ANXA7: variants seen among roughly 807,000 people sequenced by gnomAD.
ANXA7 encodes annexin A7.
Under a neutral mutation model 64.9 loss-of-function variants are expected in ANXA7, and 55 were observed. The ratio of observed to expected loss-of-function variants is 0.85; its 90% CI spans 0.68 to 1.06. ANXA7 has a LOEUF of 1.06. Among genes scored for constraint, ANXA7 ranks in the 50% least tolerant of loss-of-function variants. ANXA7 has a pLI of 0.00. For synonymous variants in ANXA7, 200 were observed against 192.4 expected (o/e 1.04, Z -0.33); for missense variants, 548 against 582.1 (o/e 0.94, Z 0.60).
intron 9 of ANXA7, among the ~76,000 whole-genome samples, chr10:73,380,774 T>C (rs1306439573): frequency 6.6e-6 from 1 of 152,148 alleles, no homozygotes; most frequent in Non-Finnish European, 1.5e-5. Context: ...AAAATATCTC[T>C]ACTAGGAGAT....
intron 1 of ANXA7, among the ~76,000 whole-genome samples, chr10:73,409,997 A>G (rs1057094618): frequency 1.3e-5 from 2 of 152,200 alleles, no homozygotes; most frequent in African/African-American, 4.8e-5. Context: ...CTATCATCCA[A>G]TGCAAAAATC....
chr10:73,396,484 A>T, intron 5 of ANXA7, 35 bp downstream of exon 5: 2 of 1,508,016 alleles, frequency 1.3e-6, no homozygotes, highest in Non-Finnish European at 1.8e-6. Context: ...TTATCTAGCT[A>T]CCTAGAGTGA....
chr10:73,381,611 T>C (rs1718435211), intron 9 of ANXA7: 1 of 152,284 alleles, frequency 6.6e-6, no homozygotes, highest in African/African-American at 2.4e-5. Flanking sequence ...TTATTGCCTT[T>C]GGATTCACAC....
In ANXA7 at chr10:73,391,170, T is replaced by TA. The variant is rs547724690; in HGVS notation, c.436-2757dup. Among the ~76,000 whole-genome samples, 1,137 of 132,910 alleles carry TA rather than the reference T, an allele frequency of 8.6e-3. 7 individuals carry two copies. The highest frequency in any genetic ancestry group is 0.031 in the South Asian group (128 of 4,080). 87.2% of individuals were successfully genotyped at this position (132,910 alleles called of 152,430 possible). A position where few individuals can be genotyped will look rare whatever the true frequency, so the allele number is the denominator to read the frequency against. ...GGCAACAGAGTGAGACTCTGTCTCT[T>TA]AAAAAAAAAAAAAAAAAGAGAGAAA... On this transcript the variant is annotated intron_variant, in intron 5 of 12. Coordinates refer to ENST00000372921, the MANE Select transcript of ANXA7 (RefSeq NM_001156.5).
intron 7 of ANXA7, among the ~76,000 whole-genome samples, 170 bp downstream of exon 7, chr10:73,387,519 C>CAAAACAAAACAAAACAAA (rs145074958): frequency 0.11 from 16,009 of 151,858 alleles, 1,224 homozygotes; most frequent in East Asian, 0.3. Flanking sequence ...CATCTCAAAA[C>CAAAACAAAACAAAACAAA]AAAACAAAAC....
rs765172371 is a variant in ANXA7, at chr10:73,379,909, C to T, written c.1135G>A (p.Gly379Arg). ...GTCTTCAAACCACTTTCTACATATC[C>T]GGAAAACTCACGGCTCACACTGCTT... is the stretch of plus-strand genomic sequence containing the variant. ...LLSSVSREFSGYVESGLKTIL... is the reference protein window; with the variant it reads ...LLSSVSREFSRYVESGLKTIL... Residue 379 changes from glycine to arginine, a missense_variant, in exon 11 of 13, where the codon GGA becomes AGA. Gly to Arg is a moderately radical substitution (Grantham distance 125). Coordinates refer to ENST00000372921, the MANE Select transcript of ANXA7 (RefSeq NM_001156.5). 1.5e-5 allele frequency: 25 copies of T among 1,614,034 alleles called. No homozygotes were observed. Among genetic ancestry groups the T allele is most frequent in the South Asian group, 2.2e-5 (2 of 91,082 alleles).
At chr10:73,395,786 C>T (rs942928424) in intron 5 of ANXA7, 4 of 423,410 alleles carry the variant, frequency 9.4e-6, no homozygotes, top group African/African-American at 5.3e-5. Context: ...AACTCCATCT[C>T]AAAAAAAAAA....
intron 7 of ANXA7, among the ~76,000 whole-genome samples, chr10:73,385,049 C>T (rs2055343816): frequency 6.6e-6 from 1 of 151,852 alleles, no homozygotes; most frequent in Non-Finnish European, 1.5e-5. Context: ...AAGGAAATTA[C>T]GATGTTCAGT....
Position 73,376,306 on chromosome 10 carries a change from T to C in ANXA7, c.1279-89A>G, listed in dbSNP as rs1035670745. ...TTTTTAAATAATAAGATCTTAATAA[T>C]AATCAAAACTTGGGGGGGAAAACAC... On this transcript the variant is annotated intron_variant, in intron 12 of 12. Coordinates refer to ENST00000372921, the MANE Select transcript of ANXA7 (RefSeq NM_001156.5). 5 of 1,267,546 alleles carry C rather than the reference T, an allele frequency of 3.9e-6. No individual in the cohort carries two copies. The African/African-American group carries it at 6.1e-5, about 16-fold the overall frequency. 78.5% of individuals were successfully genotyped at this position (1,267,546 alleles called of 1,614,324 possible). A position where few individuals can be genotyped will look rare whatever the true frequency, so the allele number is the denominator to read the frequency against.
At position 73,388,344 on chromosome 10, in the gene ANXA7, G is replaced by T. The variant is rs1293732715; in HGVS notation, c.506C>A (p.Ala169Glu). The change falls in exon 6 of 13, where the codon GCA becomes GAA. Residue 169 changes from alanine to glutamate, a missense_variant. Coordinates refer to ENST00000372921, the MANE Select transcript of ANXA7 (RefSeq NM_001156.5). ...CTTCATTGCCTTACGAAGAATTTCT[G>T]CATCTCTTATAGCATCGAAGTTGGC... ...PAANFDAIRDAEILRKAMKGF... is the reference protein window; with the variant it reads ...PAANFDAIRDEEILRKAMKGF... 5 of 1,613,926 alleles carry T rather than the reference G, an allele frequency of 3.1e-6. No homozygotes were observed. Among genetic ancestry groups the T allele is most frequent in the Non-Finnish European group, 4.2e-6 (5 of 1,179,836 alleles).
intron 1 of ANXA7, among the ~76,000 whole-genome samples, chr10:73,410,690 G>C (rs533949888): frequency 6.6e-5 from 10 of 151,574 alleles, no homozygotes; most frequent in East Asian, 1.9e-4. Flanking sequence ...GCTGAGTCAG[G>C]AGAATTGCTT....
At chr10:73,404,803 A>T (rs1352791545) in intron 1 of ANXA7, among the ~76,000 whole-genome samples, 2 of 152,126 alleles carry the variant, frequency 1.3e-5, no homozygotes, top group Non-Finnish European at 2.9e-5. Flanking sequence ...AACATTCAAA[A>T]GAATACCCTC....
In ANXA7 at chr10:73,401,997, T is replaced by C. The variant is rs376362886; in HGVS notation, c.-1-1140A>G. On this transcript the variant is annotated intron_variant, in intron 1 of 12. Transcript: ENST00000372921. Reference sequence around the variant, plus strand: ...ATACTTTTAAATGGAAAACTTCCAGTAGTTTTCTTACCACAAATAGAAGGT... The same window carrying C: ...ATACTTTTAAATGGAAAACTTCCAGCAGTTTTCTTACCACAAATAGAAGGT... Among the ~76,000 whole-genome samples the C allele has an allele frequency of 1.8e-4, 28 of 152,298 alleles. No homozygotes were observed. In the East Asian group the frequency reaches 3.5e-3, roughly 19 times the overall value.
Position 73,388,385 on chromosome 10 carries a change from T to G in ANXA7, c.465A>C (p.Gly155=). Residue 155 remains glycine (G), a synonymous_variant, in exon 6 of 13, where the codon GGA becomes GGC. Coordinates refer to ENST00000372921, the MANE Select transcript of ANXA7 (RefSeq NM_001156.5). ...CGAAGTTGGCAGCTGGTCGGATAGT[T>G]CCTTGAGTGACCTGAGTCACTGTGG... ...QPATVTQVTQ[G]TIRPAANFDA... is the part of the protein sequence containing the mutation. 6.2e-7 allele frequency: 1 copy of G among 1,613,966 alleles called. No homozygotes were observed. Among genetic ancestry groups the G allele is most frequent in the African/African-American group, 1.3e-5 (1 of 75,052 alleles).
Position 73,400,830 on chromosome 10 carries a change from T to C in ANXA7, c.27A>G (p.Thr9=). The part of the protein sequence containing the change: MSYPGYPP[T]GYPPFPGYPP... ...GATATCCAGGGAAAGGTGGGTAGCC[T>C]GTTGGGGGATAGCCTGGGTATGACA... is the stretch of plus-strand genomic sequence containing the variant. Residue 9 remains threonine, a synonymous_variant, in exon 2 of 13, where the codon ACA becomes ACG. Transcript: ENST00000372921. The C allele has an allele frequency of 6.2e-7, 1 of 1,605,076 alleles. No homozygotes were observed. Among genetic ancestry groups the C allele is most frequent in the Non-Finnish European group, 8.5e-7 (1 of 1,175,170 alleles).
chr10:73,393,103 T>C (rs1026330074), intron 5 of ANXA7, among the ~76,000 whole-genome samples: 11 of 152,232 alleles, frequency 7.2e-5, no homozygotes, highest in African/African-American at 2.4e-4. Flanking sequence ...CCACTCACAA[T>C]CGCTTCAAAG....
chr10:73,406,561 A>AATT (rs1239117972), intron 1 of ANXA7, among the ~76,000 whole-genome samples: 1 of 152,046 alleles, frequency 6.6e-6, no homozygotes, highest in East Asian at 1.9e-4. Flanking sequence ...TACTGGCTCC[A>AATT]ATTATTATTA....
chr10:73,400,125 C>T (rs932726656), intron 2 of ANXA7, among the ~76,000 whole-genome samples: 1 of 151,442 alleles, frequency 6.6e-6, no homozygotes, highest in Admixed American at 6.6e-5. Flanking sequence ...CCTGGGCGCA[C>T]AGCGAGACTC....
Position 73,375,547 on chromosome 10 carries a change from C to T in ANXA7, c.*548G>A, listed in dbSNP as rs117718753. 1.3e-5 allele frequency: 2 copies of T among 152,278 alleles called. No homozygotes were observed. The highest frequency in any genetic ancestry group is 2.9e-5 in the Non-Finnish European group (2 of 68,012). 9.4% of individuals were successfully genotyped at this position (152,278 alleles called of 1,614,324 possible). On this transcript the variant is annotated 3_prime_UTR_variant, in exon 13 of 13. Transcript: ENST00000372921. ...TAAGCATATAAACATTTGACCCTTT[C>T]TTAAAAGGTGCCACAGGTAATACTA...
Sources: gnomAD v4.1 joint callset for allele counts (sites outside exome capture counted in the v4.1 genomes callset) on GRCh38, gnomAD v4.1.1 for gene constraint, MANE v1.5 for transcripts, NCBI Gene and HGNC (gene_info 2026-07-23, HGNC 2026-07-21) for gene names.